Variants in SCN7A observed in about 807,000 individuals in gnomAD.
SCN7A encodes sodium voltage-gated channel alpha subunit 7, also known as sodium channel protein type 7 subunit alpha.
Under a neutral mutation model 155.2 loss-of-function variants are expected in SCN7A, and 138 were observed. The ratio of observed to expected loss-of-function variants is 0.89; its 90% CI spans 0.77 to 1.02. SCN7A has a LOEUF of 1.02. Ranked by LOEUF, SCN7A falls within the 50% of genes least tolerant of loss-of-function variation. The probability of loss-of-function intolerance (pLI) is 0.00; values close to 1 mark genes in which losing one functional copy is unlikely to be tolerated. For missense variants in SCN7A, 2,058 were observed against 1,986.6 expected (o/e 1.04, Z -0.68); for synonymous variants, 693 against 649.0 (o/e 1.07, Z -1.03).
At chr2:166,489,967 T>C (rs1024559024) in intron 1 of SCN7A, among the ~76,000 whole-genome samples, 11 of 152,004 alleles carry the variant, frequency 7.2e-5, no homozygotes, top group Admixed American at 2.0e-4. Context: ...AGTAATTATA[T>C]ATATTTAGGG....
At chr2:166,448,000 T>C (rs1239660628) in intron 11 of SCN7A, among the ~76,000 whole-genome samples, 1 of 152,170 alleles carries the variant, frequency 6.6e-6, no homozygotes, top group Non-Finnish European at 1.5e-5. Flanking sequence ...TTTTGAACTA[T>C]ATAATAAATT....
intron 7 of SCN7A, among the ~76,000 whole-genome samples, chr2:166,467,831 A>G (rs1254900151): frequency 1.3e-5 from 2 of 151,562 alleles, no homozygotes; most frequent in African/African-American, 4.9e-5. Context: ...CTGCCTTGAT[A>G]AAAAAAATTT....
At chr2:166,444,576 G>T (rs1356496371) in intron 13 of SCN7A, among the ~76,000 whole-genome samples, 186 bp downstream of exon 13, 3 of 152,148 alleles carry the variant, frequency 2.0e-5, no homozygotes, top group Non-Finnish European at 4.4e-5. Context: ...ACTATTCAAT[G>T]ATAAGAACAT....
intron 11 of SCN7A, among the ~76,000 whole-genome samples, chr2:166,448,019 G>C (rs1329295397): frequency 1.3e-5 from 2 of 151,840 alleles, no homozygotes; most frequent in Admixed American, 1.3e-4. Flanking sequence ...TTATTAATTA[G>C]AGTCACTGTA....
rs1701961948 is a variant in SCN7A at position 166,441,603 on chromosome 2, A to C, written c.1950T>G (p.Gly650=). The C allele has an allele frequency of 6.2e-7, 1 of 1,613,922 alleles. No individual in the cohort carries two copies. The highest frequency in any genetic ancestry group is 8.5e-7 in the Non-Finnish European group (1 of 1,179,854). ...FSAAFGMKLF[G]KNYEEFVCHI... is the part of the protein sequence containing the mutation. ...GGCAGACAAATTCTTCATAATTCTTACCAAACAGCTTCATGCCGAATGCAG... is the reference window on the plus strand; with the variant it reads ...GGCAGACAAATTCTTCATAATTCTTCCCAAACAGCTTCATGCCGAATGCAG... Residue 650 remains glycine (G), a synonymous_variant, in exon 15 of 26, where the codon GGT becomes GGG. Coordinates refer to ENST00000643258, the MANE Select transcript of SCN7A (RefSeq NM_002976.4).
chr2:166,406,258 G>A lies in SCN7A; in HGVS notation c.4371C>T (p.Asn1457=). The part of the protein sequence containing the change: ...KWSDCDPDKI[N]PGTQVRGDCG... ...AATCTCCTCTAACTTGAGTCCCAGG[G>A]TTAATTTTATCAGGATCACAGTCAG... is the stretch of plus-strand genomic sequence containing the variant. Residue 1457 remains asparagine, a synonymous_variant, in exon 26 of 26, where the codon AAC becomes AAT. Coordinates refer to ENST00000643258, the MANE Select transcript of SCN7A (RefSeq NM_002976.4). 6.2e-7 allele frequency: 1 copy of A among 1,613,076 alleles called. No individual in the cohort carries two copies. Among genetic ancestry groups the A allele is most frequent in the African/African-American group, 1.3e-5 (1 of 74,884 alleles).
intron 25 of SCN7A, among the ~76,000 whole-genome samples, chr2:166,408,068 G>C (rs936945673): frequency 4.6e-5 from 7 of 151,964 alleles, no homozygotes; most frequent in Admixed American, 4.6e-4. Flanking sequence ...CTCAAATACA[G>C]GGAGCTCATT....
chr2:166,425,735 A>G (rs547474818), intron 18 of SCN7A, among the ~76,000 whole-genome samples: 2 of 152,104 alleles, frequency 1.3e-5, no homozygotes, highest in South Asian at 2.1e-4. Context: ...TGCCCGAACC[A>G]TTGTGATTAT....
intron 20 of SCN7A, among the ~76,000 whole-genome samples, chr2:166,420,194 C>T (rs1701481599): frequency 6.6e-6 from 1 of 151,642 alleles, no homozygotes. Context: ...AATAAACATC[C>T]ACATTTCACC....
At chr2:166,492,318 C>A (rs2105550322) in intron 1 of SCN7A, among the ~76,000 whole-genome samples, 1 of 152,232 alleles carries the variant, frequency 6.6e-6, no homozygotes, top group African/African-American at 2.4e-5. Context: ...ACTCACAGTA[C>A]CTATCCCCCA....
intron 16 of SCN7A, 47 bp from the exon 17 acceptor site, chr2:166,429,321 T>A: frequency 8.4e-7 from 1 of 1,191,608 alleles, no homozygotes; most frequent in Non-Finnish European, 1.2e-6. Context: ...AAGTTTCATT[T>A]ACCCATGGTG....
chr2:166,443,022 T>C (rs753946176), intron 14 of SCN7A, among the ~76,000 whole-genome samples: 8 of 152,180 alleles, frequency 5.3e-5, no homozygotes, highest in Non-Finnish European at 8.8e-5. Flanking sequence ...AATATTCTCA[T>C]AACGTTATTC....
At chr2:166,457,695 TACA>T (rs754121732) in intron 10 of SCN7A, among the ~76,000 whole-genome samples, 6 of 152,158 alleles carry the variant, frequency 3.9e-5, no homozygotes, top group African/African-American at 9.7e-5. Context: ...GATAGCAAAA[TACA>T]ACATTTTAGA....
chr2:166,467,227 T>C (rs1702553907), intron 7 of SCN7A, among the ~76,000 whole-genome samples: 1 of 151,856 alleles, frequency 6.6e-6, no homozygotes, highest in South Asian at 2.1e-4. Flanking sequence ...TCACTAGAAC[T>C]GGAACATTTT....
chr2:166,488,785 A>G (rs182682648), intron 1 of SCN7A, among the ~76,000 whole-genome samples: 6 of 151,860 alleles, frequency 4.0e-5, no homozygotes, highest in African/African-American at 1.5e-4. Flanking sequence ...TTACAGGTGC[A>G]TGCTACTACA....
Position 166,470,611 on chromosome 2 carries a change from T to TTTCC in SCN7A, c.664+3_664+4insGGAA. On this transcript the variant is annotated splice_donor_region_variant and intron_variant, in intron 7 of 25. Transcript: ENST00000643258. ...AAGAAAAGACATTCAATGCAATTTC[T>TTTCC]TACCTTGATTTAAAGGAATAATTTT... The TTTCC allele has an allele frequency of 6.3e-7, 1 of 1,596,642 alleles. No homozygotes were observed. Among genetic ancestry groups the TTTCC allele is most frequent in the Non-Finnish European group, 8.5e-7 (1 of 1,169,740 alleles).
intron 9 of SCN7A, among the ~76,000 whole-genome samples, chr2:166,463,216 T>C (rs544058042): frequency 5.3e-5 from 8 of 152,294 alleles, no homozygotes; most frequent in African/African-American, 1.9e-4. Context: ...TAAATATTTA[T>C]TTTATTTCCT....
chr2:166,430,305 T>C (rs947246179), intron 16 of SCN7A, among the ~76,000 whole-genome samples: 1 of 151,980 alleles, frequency 6.6e-6, no homozygotes, highest in African/African-American at 2.4e-5. Flanking sequence ...TAAATCATTA[T>C]AGTGCTCAAA....
chr2:166,462,211 C>T (rs969619753), intron 10 of SCN7A, 178 bp downstream of exon 10: 3 of 537,170 alleles, frequency 5.6e-6, no homozygotes, highest in Admixed American at 3.2e-5. Context: ...AGATATAATA[C>T]ACCTGGCAAT....
Sources: gnomAD v4.1 joint callset for allele counts (sites outside exome capture counted in the v4.1 genomes callset) on GRCh38, gnomAD v4.1.1 for gene constraint, MANE v1.5 for transcripts, NCBI Gene and HGNC (gene_info 2026-07-23, HGNC 2026-07-21) for gene names.